The following NCKAP5 variants were observed in gnomAD, a reference collection of about 807,000 sequenced individuals.
NCKAP5 encodes the protein nck-associated protein 5.
Under a neutral mutation model 167.0 loss-of-function variants are expected in NCKAP5, and 92 were observed. The observed-to-expected ratio is 0.55, with a 90% CI of 0.47 to 0.66. The LOEUF (loss-of-function observed/expected upper bound fraction) is 0.66. Ranked by LOEUF, NCKAP5 falls within the 30% of genes least tolerant of loss-of-function variation. The probability of loss-of-function intolerance (pLI) is 0.00; values close to 1 mark genes in which losing one functional copy is unlikely to be tolerated. For synonymous variants in NCKAP5, 891 were observed against 877.4 expected, an observed-to-expected ratio of 1.02 and a Z score of -0.27; for missense variants, 2,378 against 2,315.0, an observed-to-expected ratio of 1.03 and a Z score of -0.56.
intron 11 of NCKAP5, among the ~76,000 whole-genome samples, chr2:132,821,976 T>G (rs1250541300): frequency 1.3e-5 from 2 of 152,100 alleles, no homozygotes; most frequent in Non-Finnish European, 2.9e-5. Context: ...CTTGGGAGCT[T>G]TATGGCCCCA....
chr2:133,075,430 G>A (rs1430156264), intron 6 of NCKAP5, among the ~76,000 whole-genome samples: 3 of 152,166 alleles, frequency 2.0e-5, no homozygotes, highest in African/African-American at 4.8e-5. Context: ...AGCAAATGAC[G>A]AGGTAAAATC....
At chr2:133,354,324 G>A (rs1385007496) in intron 3 of NCKAP5, among the ~76,000 whole-genome samples, 1 of 127,658 alleles carries the variant, frequency 7.8e-6, no homozygotes, top group Non-Finnish European at 1.6e-5. Context: ...GTCTCTCTAT[G>A]TCACCCAGGC....
chr2:133,201,982 T>C (rs997578790), intron 5 of NCKAP5, among the ~76,000 whole-genome samples: 2 of 152,184 alleles, frequency 1.3e-5, no homozygotes, highest in Non-Finnish European at 2.9e-5. Flanking sequence ...ATAGATTCAA[T>C]GCCATCCCCA....
rs115436057 is a variant in NCKAP5 at position 133,408,771 on chromosome 2, C to T, written c.70-105661G>A. Among the ~76,000 whole-genome samples, 1,140 of 152,320 alleles carry T rather than the reference C, an allele frequency of 7.5e-3. 12 individuals carry two copies. The highest frequency in any genetic ancestry group is 0.026 in the African/African-American group (1,086 of 41,572). ...ATGGTGTGCCAGCCACTGGCAGAGC[C>T]TTTCTGCTGCCCCTCTTGTGGCCCT... On this transcript the variant is annotated intron_variant, in intron 3 of 19. Transcript: ENST00000409261.
At chr2:133,009,087 C>T (rs2078066344) in intron 6 of NCKAP5, among the ~76,000 whole-genome samples, 1 of 152,182 alleles carries the variant, frequency 6.6e-6, no homozygotes, top group African/African-American at 2.4e-5. Flanking sequence ...ACACTGAGGA[C>T]TCTTGCTAAA....
At chr2:133,214,623 G>A (rs1231154908) in intron 4 of NCKAP5, among the ~76,000 whole-genome samples, 2 of 152,026 alleles carry the variant, frequency 1.3e-5, no homozygotes, top group Non-Finnish European at 2.9e-5. Flanking sequence ...AGTGATAGAT[G>A]ACTGCATTTT....
intron 10 of NCKAP5, among the ~76,000 whole-genome samples, chr2:132,866,874 T>C (rs1690397413): frequency 6.6e-6 from 1 of 152,218 alleles, no homozygotes; most frequent in Admixed American, 6.6e-5. Context: ...TTTTATATTG[T>C]GCTCTTAATT....
At chr2:133,522,502 T>A (rs1684555036) in intron 2 of NCKAP5, among the ~76,000 whole-genome samples, 1 of 152,234 alleles carries the variant, frequency 6.6e-6, no homozygotes, top group African/African-American at 2.4e-5. Context: ...TATTTTCTAA[T>A]AAATACTAAG....
intron 5 of NCKAP5, among the ~76,000 whole-genome samples, chr2:133,194,857 A>C (rs1490954593): frequency 6.6e-6 from 1 of 151,240 alleles, no homozygotes; most frequent in African/African-American, 2.4e-5. Context: ...GACAGATACT[A>C]GATAACAGAT....
chr2:133,550,214 A>T (rs1272536832), intron 2 of NCKAP5, among the ~76,000 whole-genome samples: 4 of 143,488 alleles, frequency 2.8e-5, no homozygotes, highest in African/African-American at 7.7e-5. Flanking sequence ...TCCAATCAAT[A>T]GAAAAAGAGG....
intron 8 of NCKAP5, among the ~76,000 whole-genome samples, chr2:132,941,905 G>A (rs1372861827): frequency 6.6e-6 from 1 of 152,036 alleles, no homozygotes. Context: ...TCACTGTTGT[G>A]ATCTATGTCA....
intron 6 of NCKAP5, among the ~76,000 whole-genome samples, chr2:133,018,956 A>G (rs192610586): frequency 5.9e-5 from 9 of 152,302 alleles, no homozygotes; most frequent in Admixed American, 3.3e-4. Flanking sequence ...TTAGAGGTTC[A>G]TTTCTCTAGC....
In NCKAP5 at chr2:132,902,874, C is replaced by T. The variant is rs1349032313; in HGVS notation, c.580-23958G>A. On this transcript the variant is annotated intron_variant, in intron 8 of 19. Coordinates refer to ENST00000409261, the MANE Select transcript of NCKAP5 (RefSeq NM_207363.3). ...GACTTCCTATGTAGTTTGTCACTTC[C>T]GCCAGATGTGACTGCCACATGCCCA... is the stretch of plus-strand genomic sequence containing the variant. Among the ~76,000 whole-genome samples the T allele has an allele frequency of 3.9e-5, 6 of 152,152 alleles. No individual in the cohort carries two copies. The East Asian group carries it at 5.8e-4, about 15-fold the overall frequency.
At position 132,786,893 on chromosome 2, in the gene NCKAP5, C is replaced by A. The variant is rs562596016; in HGVS notation, c.1093-1175G>T. Among the ~76,000 whole-genome samples, 3 of 152,282 alleles carry A rather than the reference C, an allele frequency of 2.0e-5. No homozygotes were observed. In the South Asian group the frequency reaches 6.2e-4, roughly 32 times the overall value. On this transcript the variant is annotated intron_variant, in intron 13 of 19. Transcript: ENST00000409261. Reference sequence around the variant, plus strand: ...GGGGACATGAACCCAGGCAGTCTGGCCCCAGAGCTTGCAGTCCTAACTGAT... The same window carrying A: ...GGGGACATGAACCCAGGCAGTCTGGACCCAGAGCTTGCAGTCCTAACTGAT...
chr2:133,664,681 G>C, the NCKAP5 span, among the ~76,000 whole-genome samples: 2 of 152,126 alleles, frequency 1.3e-5, no homozygotes, highest in Non-Finnish European at 2.9e-5. Flanking sequence ...TGTATTTTTA[G>C]TAGAGATGAG....
At chr2:133,513,474 A>G (rs1336959165) in intron 3 of NCKAP5, among the ~76,000 whole-genome samples, 2 of 152,208 alleles carry the variant, frequency 1.3e-5, no homozygotes, top group African/African-American at 4.8e-5. Context: ...TCCTCCAGGG[A>G]TGATTGGCCA....
chr2:132,816,423 G>A (rs1686276732), intron 11 of NCKAP5, among the ~76,000 whole-genome samples: 1 of 152,168 alleles, frequency 6.6e-6, no homozygotes, highest in Non-Finnish European at 1.5e-5. Context: ...CAGAATGTCG[G>A]GAGCGGCTTG....
intron 16 of NCKAP5, among the ~76,000 whole-genome samples, chr2:132,733,980 A>G (rs17397163): frequency 0.2 from 30,630 of 152,054 alleles, 3,625 homozygotes; most frequent in Non-Finnish European, 0.28. Context: ...TCATTTAACC[A>G]TCTCATATGC....
chr2:133,090,303 T>C (rs2081130941), intron 6 of NCKAP5, among the ~76,000 whole-genome samples: 1 of 151,686 alleles, frequency 6.6e-6, no homozygotes, highest in Admixed American at 6.6e-5. Context: ...GATCCTGAGA[T>C]ATCTGGGTAA....
Sources: allele counts gnomAD v4.1 joint callset (sites outside exome capture counted in the v4.1 genomes callset), GRCh38; gene constraint gnomAD v4.1.1; transcripts MANE v1.5; gene names NCBI Gene and HGNC (gene_info 2026-07-23, HGNC 2026-07-21).